GSG1L: variants seen among roughly 807,000 people sequenced by gnomAD.
The protein encoded by GSG1L is GSG1 like.
In GSG1L, 24 loss-of-function variants were observed where a neutral mutation model predicts 42.1. The ratio of observed to expected loss-of-function variants is 0.57; its 90% CI spans 0.41 to 0.80. The LOEUF is 0.80. Ranked by LOEUF, GSG1L falls within the 30% of genes least tolerant of loss-of-function variation. The pLI, the probability that GSG1L is intolerant of heterozygous loss-of-function variation, is 0.00. For synonymous variants in GSG1L, 215 were observed against 203.5 expected (o/e 1.06, Z -0.48); for missense variants, 445 against 472.2 (o/e 0.94, Z 0.53).
At chr16:27,997,696 A>AT (rs984188297) in intron 1 of GSG1L, among the ~76,000 whole-genome samples, 2 of 151,580 alleles carry the variant, frequency 1.3e-5, no homozygotes, top group Non-Finnish European at 2.9e-5. Flanking sequence ...TATTATTTAT[A>AT]TTTTTTTATT....
chr16:27,888,475 TCTCTTTCCTTTC>T lies in GSG1L; in HGVS notation c.398-3849_398-3838del, dbSNP rs1567505823. Among the ~76,000 whole-genome samples, 344 of 73,384 alleles carry T rather than the reference TCTCTTTCCTTTC, an allele frequency of 4.7e-3. 42 individuals are homozygous for T. The highest frequency in any genetic ancestry group is 6.2e-3 in the Non-Finnish European group (202 of 32,548). 48.1% of individuals were successfully genotyped at this position (73,384 alleles called of 152,430 possible). On this transcript the variant is annotated intron_variant, in intron 2 of 6. Coordinates refer to ENST00000447459, the MANE Select transcript of GSG1L (RefSeq NM_001109763.2). ...TTCTTTCTTTCTTTCTCTCTCTCTCTCTCTTTCCTTTCTTTCTTTCTTTCTTTCTTTCTTTCT... is the reference window on the plus strand; with the variant it reads ...TTCTTTCTTTCTTTCTCTCTCTCTCTTTTCTTTCTTTCTTTCTTTCTTTCT...
chr16:28,060,507 G>T (rs1227271095), intron 1 of GSG1L, among the ~76,000 whole-genome samples: 1 of 152,100 alleles, frequency 6.6e-6, no homozygotes, highest in Non-Finnish European at 1.5e-5. Flanking sequence ...GGAAACTGGG[G>T]GTTTCTTTTA....
In GSG1L at chr16:27,789,767, GATGA is replaced by G. The variant is rs1042826982; in HGVS notation, c.*1599_*1602del. 10 of 151,088 alleles carry G rather than the reference GATGA, an allele frequency of 6.6e-5. No homozygotes were observed. The highest frequency in any genetic ancestry group is 2.4e-4 in the African/African-American group (10 of 41,068). 9.4% of individuals were successfully genotyped at this position (151,088 alleles called of 1,614,324 possible). On this transcript the variant is annotated 3_prime_UTR_variant, in exon 7 of 7. Transcript: ENST00000447459. ...ATAGCTGATGAATAGGTGGGTGGAT[GATGA>G]ATGGATGGATGAATGGATAGATAAT...
At chr16:27,879,102 G>C (rs1168057810) in intron 3 of GSG1L, among the ~76,000 whole-genome samples, 1 of 152,156 alleles carries the variant, frequency 6.6e-6, no homozygotes, top group Non-Finnish European at 1.5e-5. Flanking sequence ...AGTGGACCAA[G>C]GACAGAACCC....
intron 2 of GSG1L, among the ~76,000 whole-genome samples, chr16:27,906,571 C>T (rs1326577843): frequency 2.6e-5 from 4 of 152,150 alleles, no homozygotes; most frequent in Non-Finnish European, 5.9e-5. Flanking sequence ...GCCCTCTGCA[C>T]CTCCTGCTCC....
chr16:27,937,682 T>C (rs2141079393), intron 2 of GSG1L, among the ~76,000 whole-genome samples: 1 of 152,330 alleles, frequency 6.6e-6, no homozygotes, highest in African/African-American at 2.4e-5. Flanking sequence ...GGCACCATCG[T>C]TGAGTTGGCG....
chr16:27,894,770 G>A (rs1341530880), intron 2 of GSG1L, among the ~76,000 whole-genome samples: 1 of 152,218 alleles, frequency 6.6e-6, no homozygotes, highest in African/African-American at 2.4e-5. Context: ...TTCTACAGAT[G>A]AGAAATCTCA....
intron 2 of GSG1L, among the ~76,000 whole-genome samples, chr16:27,891,992 C>T (rs1450721785): frequency 1.3e-5 from 2 of 150,324 alleles, no homozygotes; most frequent in South Asian, 2.1e-4. Context: ...CCAGCACCAC[C>T]GGACTCACCT....
chr16:27,950,043 G>A (rs2084934130), intron 2 of GSG1L, among the ~76,000 whole-genome samples: 1 of 152,242 alleles, frequency 6.6e-6, no homozygotes, highest in Non-Finnish European at 1.5e-5. Context: ...CATGTATGAT[G>A]ATGTTGTCTT....
At chr16:27,908,627 G>A (rs752701326) in intron 2 of GSG1L, among the ~76,000 whole-genome samples, 15 of 152,174 alleles carry the variant, frequency 9.9e-5, no homozygotes, top group South Asian at 6.2e-4. Flanking sequence ...TTCTTCCTGC[G>A]TCCTTGCATG....
intron 2 of GSG1L, among the ~76,000 whole-genome samples, chr16:27,947,844 T>TG (rs1352520217): frequency 6.6e-6 from 1 of 152,150 alleles, no homozygotes; most frequent in Non-Finnish European, 1.5e-5. Flanking sequence ...ATGGAGCAAG[T>TG]GGGACCGGCT....
intron 2 of GSG1L, among the ~76,000 whole-genome samples, chr16:27,949,993 A>T (rs934527888): frequency 6.6e-6 from 1 of 152,188 alleles, no homozygotes; most frequent in African/African-American, 2.4e-5. Flanking sequence ...TTCCAGCATA[A>T]CACAGGCAGT....
chr16:27,799,694 G>C lies in GSG1L; in HGVS notation c.898+7793C>G, dbSNP rs1412326741. On this transcript the variant is annotated intron_variant, in intron 6 of 6. Coordinates refer to ENST00000447459, the MANE Select transcript of GSG1L (RefSeq NM_001109763.2). Reference sequence around the variant, plus strand: ...AACTTGTGAAGGGGGCGGGCACCGAGCCAGATTCCTACTAGAGCTGCTGTT... The same window carrying C: ...AACTTGTGAAGGGGGCGGGCACCGACCCAGATTCCTACTAGAGCTGCTGTT... Among the ~76,000 whole-genome samples the C allele has an allele frequency of 2.6e-5, 4 of 152,132 alleles. No homozygotes were observed. In the East Asian group the frequency reaches 7.7e-4, roughly 29 times the overall value.
rs540173856 is a variant in GSG1L at position 27,917,533 on chromosome 16, A to G, written c.398-32895T>C. 3.9e-5 allele frequency among the ~76,000 whole-genome samples: 6 copies of G among 152,292 alleles called. No individual in the cohort carries two copies. The South Asian group carries it at 1.0e-3, about 26-fold the overall frequency. Reference sequence around the variant, plus strand: ...TTGTTGAGGGCAGTTAAGAAACCCAATCAACCCAGAGCATAGGAGGCCTTC... The same window carrying G: ...TTGTTGAGGGCAGTTAAGAAACCCAGTCAACCCAGAGCATAGGAGGCCTTC... On this transcript the variant is annotated intron_variant, in intron 2 of 6. Coordinates refer to ENST00000447459, the MANE Select transcript of GSG1L (RefSeq NM_001109763.2).
chr16:27,886,226 G>A (rs1027908064), intron 2 of GSG1L, among the ~76,000 whole-genome samples: 3 of 152,174 alleles, frequency 2.0e-5, no homozygotes, highest in African/African-American at 7.2e-5. Flanking sequence ...GATCACTTGA[G>A]GTCAGGAGTT....
chr16:27,961,682 G>A (rs2085074224), intron 2 of GSG1L, among the ~76,000 whole-genome samples: 1 of 152,196 alleles, frequency 6.6e-6, no homozygotes. Flanking sequence ...ATATTATTGT[G>A]TTTCCCAGTG....
At chr16:27,937,499 C>T (rs748669966) in intron 2 of GSG1L, among the ~76,000 whole-genome samples, 5 of 152,226 alleles carry the variant, frequency 3.3e-5, no homozygotes, top group Admixed American at 6.5e-5. Context: ...GCCTTGGCCT[C>T]CCAAGGTGCT....
chr16:28,008,966 G>A (rs1053658800), intron 1 of GSG1L, among the ~76,000 whole-genome samples: 7 of 152,130 alleles, frequency 4.6e-5, no homozygotes, highest in South Asian at 2.1e-4. Flanking sequence ...CCGCCACCAC[G>A]CCTGGCTAAT....
Position 27,828,840 on chromosome 16 carries a change from C to A in GSG1L, c.779G>T (p.Arg260Leu), listed in dbSNP as rs772785003. The A allele has an allele frequency of 6.2e-7, 1 of 1,614,178 alleles. No individual in the cohort carries two copies. Residue 260 changes from arginine to leucine, a missense_variant, in exon 5 of 7, where the codon CGG (arginine) becomes CTG (leucine). Around this residue, in one of 3 missense-constraint regions of GSG1L, gnomAD observed 140 missense variants for 120.6 expected, o/e 1.16. Transcript: ENST00000447459. ...AGGGTCTATGAAGGTCGGCTCTTCC[C>A]GGTAGCCCTGCTCAAAGACCTTGCG... ...HKRKVFEQGYREEPTFIDPEA... is the reference protein window; with the variant it reads ...HKRKVFEQGYLEEPTFIDPEA...
Sources: allele counts gnomAD v4.1 joint callset (sites outside exome capture counted in the v4.1 genomes callset), GRCh38; gene constraint gnomAD v4.1.1; regional missense constraint gnomAD v4.1.1; transcripts MANE v1.5; gene names NCBI Gene and HGNC (gene_info 2026-07-23, HGNC 2026-07-21).